AVEN: variants seen among roughly 807,000 people sequenced by gnomAD.
AVEN encodes cell death regulator Aven.
A neutral mutation model predicts 38.1 loss-of-function variants in AVEN; 41 were observed. The ratio of observed to expected loss-of-function variants is 1.08; its 90% CI spans 0.84 to 1.40. The LOEUF is 1.40. AVEN is among the 40% of genes most tolerant of loss of function. AVEN has a pLI of 0.00. For missense variants in AVEN, 605 were observed against 438.8 expected (o/e 1.38, Z -3.38); for synonymous variants, 206 against 171.8 (o/e 1.20, Z -1.56).
At chr15:33,890,441 G>A (rs72716843) in intron 2 of AVEN, among the ~76,000 whole-genome samples, 1 of 152,160 alleles carries the variant, frequency 6.6e-6, no homozygotes, top group Non-Finnish European at 1.5e-5. Flanking sequence ...AAGAATACAA[G>A]GCTAAACAAA....
At chr15:34,059,806 G>T (rs1322564266) in intron 5 of AVEN, among the ~76,000 whole-genome samples, 1 of 152,190 alleles carries the variant, frequency 6.6e-6, no homozygotes, top group Non-Finnish European at 1.5e-5. Context: ...ACTCAACGAG[G>T]CTGGAGGTCC....
intron 11 of AVEN, chr15:33,859,695 T>C (rs1369087960): frequency 6.2e-7 from 1 of 1,612,774 alleles, no homozygotes; most frequent in Non-Finnish European, 8.5e-7. Context: ...TACCTTTTTC[T>C]TCTTCGTCAT....
At chr15:34,025,876 A>G (rs1170826063) in intron 1 of AVEN, among the ~76,000 whole-genome samples, 2 of 152,192 alleles carry the variant, frequency 1.3e-5, no homozygotes, top group Non-Finnish European at 2.9e-5. Flanking sequence ...CCGTGTTTAC[A>G]CTTACCACAC....
At chr15:33,959,363 A>G (rs576993657) in intron 2 of AVEN, among the ~76,000 whole-genome samples, 1 of 152,280 alleles carries the variant, frequency 6.6e-6, no homozygotes, top group East Asian at 1.9e-4. Flanking sequence ...TTCCCTGCTT[A>G]TGACCTTTCA....
At chr15:34,008,954 G>GCACA (rs57211791) in intron 1 of AVEN, among the ~76,000 whole-genome samples, 6,370 of 103,092 alleles carry the variant, frequency 0.062, 437 homozygotes, top group African/African-American at 0.16. Context: ...GTGCGCGCGC[G>GCACA]CACACACACA....
intron 2 of AVEN, among the ~76,000 whole-genome samples, chr15:33,897,005 T>A (rs1892258559): frequency 6.6e-6 from 1 of 152,152 alleles, no homozygotes; most frequent in Non-Finnish European, 1.5e-5. Context: ...AGACTTCCAG[T>A]AAGTGCAACA....
intron 2 of AVEN, among the ~76,000 whole-genome samples, chr15:33,998,784 A>G (rs1403987055): frequency 6.6e-6 from 1 of 152,078 alleles, no homozygotes; most frequent in East Asian, 1.9e-4. Flanking sequence ...TCTTTCTTCT[A>G]CCACTCATGC....
chr15:33,933,580 G>C (rs1016443889), intron 2 of AVEN, among the ~76,000 whole-genome samples: 1 of 134,500 alleles, frequency 7.4e-6, no homozygotes. Flanking sequence ...GAGAGAGAGA[G>C]AACTGAGGCA....
At chr15:33,870,092 T>A (rs1890872792) in intron 4 of AVEN, among the ~76,000 whole-genome samples, 1 of 152,084 alleles carries the variant, frequency 6.6e-6, no homozygotes, top group Non-Finnish European at 1.5e-5. Context: ...AGTCTTGAAT[T>A]TTTTCTTGAC....
intron 2 of AVEN, among the ~76,000 whole-genome samples, chr15:33,941,290 A>C (rs1391695454): frequency 6.6e-6 from 1 of 152,164 alleles, no homozygotes; most frequent in Admixed American, 6.5e-5. Flanking sequence ...ACATAGCTAA[A>C]CTGAAACTGT....
intron 4 of AVEN, among the ~76,000 whole-genome samples, chr15:33,870,657 G>A (rs963467931): frequency 1.1e-4 from 16 of 152,012 alleles, no homozygotes; most frequent in South Asian, 4.1e-4. Context: ...AGCGTGATGC[G>A]TAAATATTTT....
At chr15:34,022,958 C>T (rs564612155) in intron 1 of AVEN, among the ~76,000 whole-genome samples, 18 of 152,292 alleles carry the variant, frequency 1.2e-4, no homozygotes, top group East Asian at 1.9e-4. Flanking sequence ...GAGGCCGAGG[C>T]GGGCGGATCA....
chr15:34,033,862 A>C (rs1363949358), intron 1 of AVEN, among the ~76,000 whole-genome samples: 8 of 152,146 alleles, frequency 5.3e-5, no homozygotes, highest in African/African-American at 9.6e-5. Flanking sequence ...ATTTCGGCTC[A>C]CTGCAACCTC....
At chr15:33,870,294 T>A (rs1890884854) in intron 4 of AVEN, among the ~76,000 whole-genome samples, 1 of 152,186 alleles carries the variant, frequency 6.6e-6, no homozygotes, top group Admixed American at 6.5e-5. Context: ...TATGTGCACA[T>A]GCAGACTTAC....
chr15:34,016,610 G>C (rs1897924394), intron 1 of AVEN, among the ~76,000 whole-genome samples: 1 of 152,108 alleles, frequency 6.6e-6, no homozygotes, highest in Non-Finnish European at 1.5e-5. Context: ...TTTTGATCCA[G>C]TCAACAAACT....
At chr15:34,023,785 A>C (rs1898315769) in intron 1 of AVEN, among the ~76,000 whole-genome samples, 1 of 152,290 alleles carries the variant, frequency 6.6e-6, no homozygotes, top group Non-Finnish European at 1.5e-5. Flanking sequence ...AACTAAAAAG[A>C]CCTAATCTAT....
In AVEN at chr15:33,973,371, T is replaced by C. The variant is rs886092631; in HGVS notation, c.445+29661A>G. Among the ~76,000 whole-genome samples, 11 of 152,226 alleles carry C rather than the reference T, an allele frequency of 7.2e-5. No individual in the cohort carries two copies. The South Asian group carries it at 1.4e-3, about 20-fold the overall frequency. On this transcript the variant is annotated intron_variant, in intron 2 of 5. Transcript: ENST00000306730. ...AATCTATCAGGCTCAGTATATAACA[T>C]AGTACAACTCTTAATATTTCATCAA...
chr15:34,038,906 T>A lies in AVEN; in HGVS notation c.141A>T (p.Gly47=), dbSNP rs550927187. 22 of 1,116,558 alleles carry A rather than the reference T, an allele frequency of 2.0e-5. No individual in the cohort carries two copies. In the South Asian group the frequency reaches 2.5e-4, roughly 13 times the overall value. 69.2% of individuals were successfully genotyped at this position (1,116,558 alleles called of 1,614,324 possible). Reference sequence around the variant, plus strand: ...CACGGCCACGGCCCCGGCGTCCGCCTCCGTCCCCGCCGCCGCCTCCGCCGC... The same window carrying A: ...CACGGCCACGGCCCCGGCGTCCGCCACCGTCCCCGCCGCCGCCTCCGCCGC... ...RGGGGGGGGD[G]GGRRGRGRGR... is the part of the protein sequence containing the mutation. Residue 47 remains glycine (G), a synonymous_variant, in exon 1 of 6, where the codon GGA becomes GGT. Transcript: ENST00000306730.
chr15:33,995,193 G>A (rs917627965), intron 2 of AVEN, among the ~76,000 whole-genome samples: 2 of 152,116 alleles, frequency 1.3e-5, no homozygotes, highest in African/African-American at 4.8e-5. Flanking sequence ...GAGCCCAGGA[G>A]GTCAAGGCTG....
Sources: allele counts gnomAD v4.1 joint callset (sites outside exome capture counted in the v4.1 genomes callset), GRCh38; gene constraint gnomAD v4.1.1; transcripts MANE v1.5; gene names NCBI Gene and HGNC (gene_info 2026-07-23, HGNC 2026-07-21).